Variants in PPM1H observed in about 807,000 individuals in gnomAD.
The protein encoded by PPM1H is protein phosphatase 1H.
In PPM1H, 27 loss-of-function variants were observed where a neutral mutation model predicts 54.9. The ratio of observed to expected loss-of-function variants is 0.49; its 90% CI spans 0.36 to 0.68. The LOEUF (loss-of-function observed/expected upper bound fraction) is 0.68, where lower values mean the gene tolerates loss of function less well. Ranked by LOEUF, PPM1H falls within the 30% of genes least tolerant of loss-of-function variation. The pLI, the probability that PPM1H is intolerant of heterozygous loss-of-function variation, is 0.00. For synonymous variants in PPM1H, 305 were observed against 270.8 expected, an observed-to-expected ratio of 1.13 and a Z score of -1.24; for missense variants, 596 against 667.8, an observed-to-expected ratio of 0.89 and a Z score of 1.19.
intron 1 of PPM1H, among the ~76,000 whole-genome samples, chr12:62,920,868 C>T (rs997279964): frequency 6.6e-6 from 1 of 152,022 alleles, no homozygotes; most frequent in Non-Finnish European, 1.5e-5. Context: ...CCATAGCAGA[C>T]CACTTAAATA....
intron 1 of PPM1H, among the ~76,000 whole-genome samples, chr12:62,917,244 A>C (rs1387454698): frequency 6.6e-6 from 1 of 152,256 alleles, no homozygotes; most frequent in Non-Finnish European, 1.5e-5. Flanking sequence ...TTTAACGGCC[A>C]AAGTGGGAGA....
chr12:62,869,491 A>G (rs557891642), intron 1 of PPM1H, among the ~76,000 whole-genome samples: 1 of 152,322 alleles, frequency 6.6e-6, no homozygotes, highest in Non-Finnish European at 1.5e-5. Context: ...AGGCAATGTG[A>G]CTTCAGAAAC....
chr12:62,853,653 C>T (rs1052694956), intron 1 of PPM1H, among the ~76,000 whole-genome samples: 5 of 152,102 alleles, frequency 3.3e-5, no homozygotes, highest in African/African-American at 4.8e-5. Context: ...ACTGCTAGTT[C>T]TGTAGGGAAA....
intron 6 of PPM1H, among the ~76,000 whole-genome samples, chr12:62,712,178 C>A (rs2076211258): frequency 6.6e-6 from 1 of 152,090 alleles, no homozygotes; most frequent in African/African-American, 2.4e-5. Context: ...AACACAGGGA[C>A]TTTTCAGGTG....
At chr12:62,738,130 A>C (rs1459549919) in intron 4 of PPM1H, among the ~76,000 whole-genome samples, 1 of 152,168 alleles carries the variant, frequency 6.6e-6, no homozygotes, top group Non-Finnish European at 1.5e-5. Flanking sequence ...CTAGTGTTGA[A>C]TGTATTTGAC....
chr12:62,928,170 C>A (rs1471099287), intron 1 of PPM1H, among the ~76,000 whole-genome samples: 1 of 152,166 alleles, frequency 6.6e-6, no homozygotes, highest in East Asian at 1.9e-4. Context: ...ATTTTTAATG[C>A]CTCTAATAAA....
At chr12:62,663,130 C>T (rs2075894847) in intron 9 of PPM1H, among the ~76,000 whole-genome samples, 2 of 152,098 alleles carry the variant, frequency 1.3e-5, no homozygotes, top group African/African-American at 4.8e-5. Flanking sequence ...ACTGGACACG[C>T]AAGTTACTTC....
chr12:62,784,231 A>T (rs2076658330), intron 4 of PPM1H, among the ~76,000 whole-genome samples: 2 of 152,164 alleles, frequency 1.3e-5, no homozygotes, highest in Non-Finnish European at 2.9e-5. Context: ...GACCACATGG[A>T]TCAGGTACTC....
chr12:62,715,617 T>C (rs1372305260), intron 6 of PPM1H, among the ~76,000 whole-genome samples: 3 of 152,076 alleles, frequency 2.0e-5, no homozygotes, highest in African/African-American at 7.2e-5. Context: ...AACAGACTCA[T>C]CCTTAATTAT....
chr12:62,783,602 T>C (rs1276019739), intron 4 of PPM1H, among the ~76,000 whole-genome samples: 1 of 152,242 alleles, frequency 6.6e-6, no homozygotes, highest in Non-Finnish European at 1.5e-5. Flanking sequence ...TCAGTTTATT[T>C]ATTGGTAAAT....
intron 2 of PPM1H, among the ~76,000 whole-genome samples, chr12:62,811,566 T>C (rs2076835489): frequency 6.6e-6 from 1 of 152,200 alleles, no homozygotes; most frequent in African/African-American, 2.4e-5. Flanking sequence ...CCAAATCTCA[T>C]CTTGAACTGT....
In PPM1H at chr12:62,684,858, T is replaced by A. The variant is rs557398505; in HGVS notation, c.1245+4841A>T. On this transcript the variant is annotated intron_variant, in intron 8 of 9. Coordinates refer to ENST00000228705, the MANE Select transcript of PPM1H (RefSeq NM_020700.2). ...TTCTAGGCTCCCAACAGAGGCCACT[T>A]CTCATGGGAATGCTTTTGTCACTAC... Among the ~76,000 whole-genome samples the A allele has an allele frequency of 3.1e-4, 47 of 152,150 alleles. No homozygotes were observed. The South Asian group carries it at 9.4e-3, about 30-fold the overall frequency.
At position 62,900,531 on chromosome 12, in the gene PPM1H, G is replaced by GTAATCA. The variant is rs1555204734; in HGVS notation, c.245+33960_245+33961insTGATTA. On this transcript the variant is annotated intron_variant, in intron 1 of 9. Coordinates refer to ENST00000228705, the MANE Select transcript of PPM1H (RefSeq NM_020700.2). Reference sequence around the variant, plus strand: ...GCACATGTACCCTAGAACTTAAAATGTAATAATAATAATAATAATAATAAA... The same window carrying GTAATCA: ...GCACATGTACCCTAGAACTTAAAATGTAATCATAATAATAATAATAATAATAATAAA... Among the ~76,000 whole-genome samples the GTAATCA allele has an allele frequency of 3.6e-4, 52 of 142,642 alleles. No homozygotes were observed. The East Asian group carries it at 0.01, about 28-fold the overall frequency. The allele number at this position is 142,642 out of a possible 152,430, so 93.6% of individuals were successfully genotyped here.
intron 7 of PPM1H, among the ~76,000 whole-genome samples, chr12:62,690,912 AGT>A (rs1480674834): frequency 6.6e-6 from 1 of 152,226 alleles, no homozygotes; most frequent in African/African-American, 2.4e-5. Flanking sequence ...TGGAGGTTGC[AGT>A]GAATTGAGAT....
intron 2 of PPM1H, among the ~76,000 whole-genome samples, chr12:62,818,027 A>T (rs2076881175): frequency 6.6e-6 from 1 of 152,244 alleles, no homozygotes; most frequent in Non-Finnish European, 1.5e-5. Context: ...AAGGAAGTAG[A>T]CTTGGAATGC....
At chr12:62,746,781 A>G (rs1283896457) in intron 4 of PPM1H, among the ~76,000 whole-genome samples, 1 of 152,196 alleles carries the variant, frequency 6.6e-6, no homozygotes, top group Non-Finnish European at 1.5e-5. Flanking sequence ...CGGAGCCCCA[A>G]CACACAGGGT....
intron 4 of PPM1H, among the ~76,000 whole-genome samples, chr12:62,784,575 A>G (rs912028032): frequency 1.3e-5 from 2 of 152,240 alleles, no homozygotes; most frequent in Admixed American, 6.5e-5. Context: ...AAGAAAACTT[A>G]GCCCTTCATT....
At position 62,908,422 on chromosome 12, in the gene PPM1H, AAAAG is replaced by A. The variant is rs71450598; in HGVS notation, c.245+26066_245+26069del. Among the ~76,000 whole-genome samples, 233 of 134,274 alleles carry A rather than the reference AAAAG, an allele frequency of 1.7e-3. 9 individuals are homozygous for A. Among genetic ancestry groups the A allele is most frequent in the East Asian group, 7.2e-3 (35 of 4,834 alleles). 88.1% of individuals were successfully genotyped at this position (134,274 alleles called of 152,430 possible). A position where few individuals can be genotyped will look rare whatever the true frequency, so the allele number is the denominator to read the frequency against. On this transcript the variant is annotated intron_variant, in intron 1 of 9. Transcript: ENST00000228705. ...GACTCCGTCTCAAAAAAAAAAAAAA[AAAAG>A]AAAGAAAGAAAGAAATTGAGTTTTG...
At chr12:62,686,987 C>G (rs1005401785) in intron 8 of PPM1H, among the ~76,000 whole-genome samples, 1 of 152,180 alleles carries the variant, frequency 6.6e-6, no homozygotes, top group African/African-American at 2.4e-5. Context: ...GGGACAAATA[C>G]ACAGGCTGGG....
Sources: gnomAD v4.1 joint callset for allele counts (sites outside exome capture counted in the v4.1 genomes callset) on GRCh38, gnomAD v4.1.1 for gene constraint, MANE v1.5 for transcripts, NCBI Gene and HGNC (gene_info 2026-07-23, HGNC 2026-07-21) for gene names.